The following MAPK10 variants were observed in gnomAD, a reference collection of about 807,000 sequenced individuals.
The protein encoded by MAPK10 is JNK3 alpha protein kinase.
MAPK10 carries 25 observed loss-of-function variants against 59.3 expected under a neutral mutation model. The ratio of observed to expected loss-of-function variants is 0.42; its 90% CI spans 0.31 to 0.59. The LOEUF (loss-of-function observed/expected upper bound fraction) is 0.59, where lower values mean the gene tolerates loss of function less well. Among genes scored for constraint, MAPK10 ranks in the 20% least tolerant of loss-of-function variants. The pLI is 0.15. For synonymous variants in MAPK10, 190 were observed against 200.5 expected, an observed-to-expected ratio of 0.95 and a Z score of 0.44; for missense variants, 351 against 568.9, an observed-to-expected ratio of 0.62 and a Z score of 3.90.
At chr4:86,527,243 T>C (rs1275842269) in intron 1 of MAPK10, among the ~76,000 whole-genome samples, 1 of 136,970 alleles carries the variant, frequency 7.3e-6, no homozygotes, top group African/African-American at 2.8e-5. Context: ...GCCTGGGAGG[T>C]CGAGGCCGCA....
In MAPK10 at chr4:86,013,466, TA is replaced by T. The variant is rs1214032660; in HGVS notation, c.*3761del. The T allele has an allele frequency of 6.6e-6, 1 of 152,218 alleles. No individual in the cohort carries two copies. Among genetic ancestry groups the T allele is most frequent in the Admixed American group, 6.5e-5 (1 of 15,290 alleles). The allele number at this position is 152,218 out of a possible 1,614,324, so 9.4% of individuals were successfully genotyped here. A position where few individuals can be genotyped will look rare whatever the true frequency, so the allele number is the denominator to read the frequency against. On this transcript the variant is annotated 3_prime_UTR_variant, in exon 14 of 14. Transcript: ENST00000641462. ...TACATTTTTCAGCAAAGCTGGCTAA[TA>T]ACATGCCTTACAGAGCATAATGCAC...
chr4:86,352,173 T>G (rs1396657566), intron 2 of MAPK10: 1 of 152,074 alleles, frequency 6.6e-6, no homozygotes, highest in African/African-American at 2.4e-5. Context: ...ACCCCAAAAC[T>G]CAGCAGTTCC....
chr4:86,463,728 A>T (rs1751952573), intron 1 of MAPK10, among the ~76,000 whole-genome samples: 1 of 152,182 alleles, frequency 6.6e-6, no homozygotes, highest in South Asian at 2.1e-4. Context: ...GACCTGCTCT[A>T]GGCATTCCTA....
At chr4:86,063,567 C>T (rs1189865993) in intron 11 of MAPK10, among the ~76,000 whole-genome samples, 3 of 152,026 alleles carry the variant, frequency 2.0e-5, no homozygotes, top group Admixed American at 1.3e-4. Flanking sequence ...GCCCCCCTTG[C>T]CCTGCTCAGC....
chr4:86,300,705 T>C (rs2095453398), intron 2 of MAPK10: 3 of 152,108 alleles, frequency 2.0e-5, no homozygotes, highest in African/African-American at 4.8e-5. Flanking sequence ...ATCATCAAGA[T>C]TGATTATTTC....
In MAPK10 at chr4:86,103,073, C is replaced by CTG. The variant is rs1251474551; in HGVS notation, c.425+112_425+113insCA. ...CTTTGAGCAGTATAAGGGATTTCAACTCTGTGTGTGTGTGTGTGTGTGTGT... is the reference window on the plus strand; with the variant it reads ...CTTTGAGCAGTATAAGGGATTTCAACTGTCTGTGTGTGTGTGTGTGTGTGTGT... On this transcript the variant is annotated intron_variant, in intron 6 of 13. Coordinates refer to ENST00000641462, the MANE Select transcript of MAPK10 (RefSeq NM_138982.4). 4.9e-5 allele frequency: 15 copies of CTG among 303,490 alleles called. No homozygotes were observed. The East Asian group carries it at 9.7e-4, about 20-fold the overall frequency. 18.8% of individuals were successfully genotyped at this position (303,490 alleles called of 1,614,324 possible). A position where few individuals can be genotyped will look rare whatever the true frequency, so the allele number is the denominator to read the frequency against.
chr4:86,025,767 G>C (rs1264444596), intron 13 of MAPK10, among the ~76,000 whole-genome samples: 1 of 152,094 alleles, frequency 6.6e-6, no homozygotes, highest in African/African-American at 2.4e-5. Context: ...AGTAACATAT[G>C]CTAAAGAAAA....
At chr4:86,229,832 G>A (rs1024112054) in intron 2 of MAPK10, among the ~76,000 whole-genome samples, 1 of 151,956 alleles carries the variant, frequency 6.6e-6, no homozygotes, top group Non-Finnish European at 1.5e-5. Context: ...GAGGAGAGAG[G>A]ATTACTTGAG....
chr4:86,575,305 G>T (rs1442125942), intron 1 of MAPK10, among the ~76,000 whole-genome samples: 2 of 152,100 alleles, frequency 1.3e-5, no homozygotes, highest in Non-Finnish European at 2.9e-5. Flanking sequence ...AATCATGTCA[G>T]CCAATTCCTC....
chr4:86,188,977 C>T (rs1248476984), intron 3 of MAPK10, among the ~76,000 whole-genome samples: 1 of 152,176 alleles, frequency 6.6e-6, no homozygotes, highest in African/African-American at 2.4e-5. Flanking sequence ...ATATGGCTAG[C>T]CAGTTTTCCC....
chr4:86,519,905 C>A (rs1185527429), intron 1 of MAPK10, among the ~76,000 whole-genome samples: 2 of 152,082 alleles, frequency 1.3e-5, no homozygotes, highest in African/African-American at 2.4e-5. Flanking sequence ...AAATTCCTAG[C>A]TAATAATTAT....
chr4:86,251,952 T>C (rs1334751851), intron 2 of MAPK10, among the ~76,000 whole-genome samples: 2 of 122,468 alleles, frequency 1.6e-5, no homozygotes, highest in East Asian at 2.0e-4. Context: ...TTTCATGTGT[T>C]TTTTGGCTGC....
intron 3 of MAPK10, chr4:86,191,888 TG>T (rs2079983711): frequency 6.6e-6 from 1 of 152,172 alleles, no homozygotes; most frequent in African/African-American, 2.4e-5. Context: ...CAATTTGGGA[TG>T]TTTTTTCAGT....
intron 2 of MAPK10, among the ~76,000 whole-genome samples, chr4:86,337,284 C>T (rs1250890924): frequency 6.6e-6 from 1 of 152,150 alleles, no homozygotes; most frequent in Non-Finnish European, 1.5e-5. Context: ...AGCTAGAAGT[C>T]TTGCCATAGA....
intron 2 of MAPK10, among the ~76,000 whole-genome samples, chr4:86,230,708 T>G (rs1348990638): frequency 6.6e-6 from 1 of 152,230 alleles, no homozygotes; most frequent in Non-Finnish European, 1.5e-5. Context: ...TACCCTTGAT[T>G]TATTCCCCTT....
intron 2 of MAPK10, among the ~76,000 whole-genome samples, chr4:86,244,126 GT>G (rs1185939280): frequency 6.6e-6 from 1 of 152,182 alleles, no homozygotes; most frequent in Non-Finnish European, 1.5e-5. Context: ...CACATCCACA[GT>G]GCTGCAAAGG....
At chr4:86,084,412 T>G (rs1561488125) in intron 9 of MAPK10, among the ~76,000 whole-genome samples, 1 of 152,164 alleles carries the variant, frequency 6.6e-6, no homozygotes, top group Non-Finnish European at 1.5e-5. Context: ...GTTGCAGGAT[T>G]CAAAATCAAC....
intron 13 of MAPK10, among the ~76,000 whole-genome samples, chr4:86,023,773 T>C (rs1748615214): frequency 7.2e-6 from 1 of 138,146 alleles, no homozygotes; most frequent in Non-Finnish European, 1.6e-5. Flanking sequence ...ATAAGAAGTT[T>C]CAGTGTCAGT....
Position 86,017,303 on chromosome 4 carries a change from G to A in MAPK10, c.1320C>T (p.Ser440=), listed in dbSNP as rs759796913. 5.6e-6 allele frequency: 9 copies of A among 1,614,140 alleles called. No individual in the cohort carries two copies. Among genetic ancestry groups the A allele is most frequent in the Non-Finnish European group, 7.6e-6 (9 of 1,180,010 alleles). The part of the protein sequence containing the change: ...SSSVNDISSM[S]TDQTLASDTD... ...TGTCAGATGCCAGGGTCTGGTCGGTGGACATGGAGGAGATGTCATTGACAG... is the reference window on the plus strand; with the variant it reads ...TGTCAGATGCCAGGGTCTGGTCGGTAGACATGGAGGAGATGTCATTGACAG... The change falls in exon 14 of 14, where the codon TCC becomes TCT. Residue 440 remains serine (S), a synonymous_variant. Coordinates refer to ENST00000641462, the MANE Select transcript of MAPK10 (RefSeq NM_138982.4). The surrounding 1 kb of genome is among the most constrained non-coding windows in gnomAD (Gnocchi z 4.4).
Sources: gnomAD v4.1 joint callset for allele counts (sites outside exome capture counted in the v4.1 genomes callset) on GRCh38, gnomAD v4.1.1 for gene constraint, Gnocchi (gnomAD v3.1) non-coding constraint, MANE v1.5 for transcripts, NCBI Gene and HGNC (gene_info 2026-07-23, HGNC 2026-07-21) for gene names.